The following DNAH8 variants were observed in gnomAD, a reference collection of about 807,000 sequenced individuals.
DNAH8 encodes the protein axonemal beta dynein heavy chain 8.
Under a neutral mutation model 562.1 loss-of-function variants are expected in DNAH8, and 382 were observed. The ratio of observed to expected loss-of-function variants is 0.68; its 90% CI spans 0.63 to 0.74. The LOEUF is 0.74. Ranked by LOEUF, DNAH8 falls within the 30% of genes least tolerant of loss-of-function variation. The pLI, the probability that DNAH8 is intolerant of heterozygous loss-of-function variation, is 0.00. For missense variants in DNAH8, 5,203 were observed against 5,620.4 expected (o/e 0.93, Z 2.37); for synonymous variants, 1,881 against 1,919.4 (o/e 0.98, Z 0.52).
At chr6:38,849,689 A>G (rs916368558) in intron 37 of DNAH8, among the ~76,000 whole-genome samples, 2 of 152,000 alleles carry the variant, frequency 1.3e-5, no homozygotes, top group Admixed American at 6.6e-5. Context: ...TTAAAAGAGG[A>G]AAGATTATGC....
intron 88 of DNAH8, among the ~76,000 whole-genome samples, chr6:38,990,390 T>G (rs956049717): frequency 2.0e-5 from 3 of 152,228 alleles, no homozygotes; most frequent in Non-Finnish European, 1.5e-5. Flanking sequence ...ATGACAACGT[T>G]AAGCTCTAAT....
intron 13 of DNAH8, among the ~76,000 whole-genome samples, chr6:38,777,032 T>A (rs898629579): frequency 2.0e-5 from 3 of 152,208 alleles, no homozygotes; most frequent in African/African-American, 7.2e-5. Context: ...AAAACTACAT[T>A]ACACGTAACC....
Position 38,971,564 on chromosome 6 carries a change from T to C in DNAH8, c.12452-28T>C, listed in dbSNP as rs200132695. 39 of 1,406,738 alleles carry C rather than the reference T, an allele frequency of 2.8e-5. No individual in the cohort carries two copies. In the East Asian group the frequency reaches 3.4e-4, roughly 12 times the overall value. The allele number at this position is 1,406,738 out of a possible 1,614,324, so 87.1% of individuals were successfully genotyped here. ...ATCCTGCTGTAAGAGTTGTGTTTCA[T>C]CATAGTGAACTTTCTCCTATGTTAC... is the stretch of plus-strand genomic sequence containing the variant. On this transcript the variant is annotated intron_variant, in intron 82 of 92. Coordinates refer to ENST00000327475, the MANE Select transcript of DNAH8 (RefSeq NM_001206927.2).
intron 4 of DNAH8, 122 bp from the exon 5 acceptor site, chr6:38,734,352 G>T: frequency 4.7e-5 from 43 of 910,256 alleles, no homozygotes; most frequent in East Asian, 2.6e-4. Context: ...ATTATTCTAT[G>T]ACCGTATTGA....
Position 38,938,902 on chromosome 6 carries a change from A to G in DNAH8, c.11921A>G (p.Lys3974Arg), listed in dbSNP as rs745776950. The G allele has an allele frequency of 1.1e-5, 17 of 1,613,836 alleles. No homozygotes were observed. The highest frequency in any genetic ancestry group is 2.2e-5 in the South Asian group (2 of 91,066). ...GTCAGAGGCCTATACGAAAACCACA[A>G]ATTCCTGTTTGTACTCCTCATGACC... ...YSVRGLYENH[K>R]FLFVLLMTLK... Residue 3974 changes from lysine to arginine, a missense_variant, in exon 79 of 93, where the codon AAA (lysine) becomes AGA (arginine). This residue lies in a region of DNAH8 where 1,399 missense variants were observed against 1,518.4 expected (regional missense o/e 0.92). Coordinates refer to ENST00000327475, the MANE Select transcript of DNAH8 (RefSeq NM_001206927.2).
chr6:38,921,583 G>A (rs2150555595), intron 71 of DNAH8, 77 bp downstream of exon 71: 1 of 1,467,052 alleles, frequency 6.8e-7, no homozygotes. Flanking sequence ...TGGAAATCAG[G>A]CAAATGGTTG....
chr6:38,832,892 C>A (rs1230855058), intron 31 of DNAH8, among the ~76,000 whole-genome samples: 1 of 151,372 alleles, frequency 6.6e-6, no homozygotes, highest in Non-Finnish European at 1.5e-5. Flanking sequence ...GTGGAAGGAA[C>A]AAAGGGTCTG....
chr6:38,811,204 T>C (rs1771765427), intron 24 of DNAH8, among the ~76,000 whole-genome samples: 1 of 152,234 alleles, frequency 6.6e-6, no homozygotes, highest in Admixed American at 6.5e-5. Context: ...TATTCTTTCA[T>C]TGTCTTCTTC....
In DNAH8 at chr6:38,879,493, C is replaced by T. The variant is rs146680119; in HGVS notation, c.7859-3417C>T. 4.2e-3 allele frequency among the ~76,000 whole-genome samples: 644 copies of T among 152,294 alleles called. 6 individuals carry two copies. The highest frequency in any genetic ancestry group is 0.011 in the Admixed American group (175 of 15,304). The stretch of plus-strand genomic sequence containing the variant: ...AAAAACTAAGCAAGCCATAAACAGT[C>T]ATCTAAATGAATGAAGAAAAGCATT... On this transcript the variant is annotated intron_variant, in intron 53 of 92. Transcript: ENST00000327475.
At chr6:38,870,621 C>G (rs1176342415) in intron 49 of DNAH8, 59 bp downstream of exon 49, 5 of 1,505,244 alleles carry the variant, frequency 3.3e-6, no homozygotes, top group Non-Finnish European at 4.5e-6. Flanking sequence ...ACATTCCTGT[C>G]TGAATAGAAA....
At chr6:38,897,218 ATT>A (rs1779764696) in intron 60 of DNAH8, among the ~76,000 whole-genome samples, 1 of 152,184 alleles carries the variant, frequency 6.6e-6, no homozygotes, top group African/African-American at 2.4e-5. Context: ...AAAGAATAAT[ATT>A]GTGTGACATG....
At chr6:38,757,100 A>G (rs1765988527) in intron 10 of DNAH8, among the ~76,000 whole-genome samples, 1 of 152,194 alleles carries the variant, frequency 6.6e-6, no homozygotes, top group Non-Finnish European at 1.5e-5. Context: ...CGCCACACTG[A>G]CTTCCACAAT....
chr6:38,741,872 C>T lies in DNAH8; in HGVS notation c.1278C>T (p.His426=), dbSNP rs1156875268. Reference sequence around the variant, plus strand: ...TCATAAATGTGCTAAATGTTGCACACTCCAAACTGCTAAAGGTAAAAGGCT... The same window carrying T: ...TCATAAATGTGCTAAATGTTGCACATTCCAAACTGCTAAAGGTAAAAGGCT... ...KAVINVLNVA[H]SKLLKNWRDL... is the part of the protein sequence containing the mutation. Residue 426 remains histidine, a synonymous_variant, in exon 8 of 93, where the codon CAC becomes CAT. Coordinates refer to ENST00000327475, the MANE Select transcript of DNAH8 (RefSeq NM_001206927.2). 1 of 1,610,148 alleles carries T rather than the reference C, an allele frequency of 6.2e-7. No homozygotes were observed. Among genetic ancestry groups the T allele is most frequent in the Admixed American group, 1.7e-5 (1 of 59,044 alleles).
chr6:38,922,970 C>A, intron 71 of DNAH8, 88 bp from the exon 72 acceptor site: 1 of 1,345,526 alleles, frequency 7.4e-7, no homozygotes, highest in Non-Finnish European at 1.0e-6. Flanking sequence ...AAGAAATTCC[C>A]CCATGTATTT....
chr6:38,981,924 T>C (rs1764063240), intron 85 of DNAH8, among the ~76,000 whole-genome samples: 1 of 152,312 alleles, frequency 6.6e-6, no homozygotes, highest in East Asian at 1.9e-4. Context: ...ACGGTGGTGG[T>C]CCTGTAAGAG....
At chr6:38,937,514 A>G (rs750513379) in intron 77 of DNAH8, among the ~76,000 whole-genome samples, 12 of 152,172 alleles carry the variant, frequency 7.9e-5, no homozygotes, top group Non-Finnish European at 1.3e-4. Context: ...GGAGTGTACC[A>G]TTCAACTATC....
intron 58 of DNAH8, among the ~76,000 whole-genome samples, chr6:38,892,652 C>T (rs961205437): frequency 1.1e-4 from 16 of 152,144 alleles, no homozygotes; most frequent in African/African-American, 3.4e-4. Context: ...AACCAATCTC[C>T]TTGCTTTCTT....
At chr6:38,911,676 A>T in intron 66 of DNAH8, 90 bp downstream of exon 66, 1 of 879,810 alleles carries the variant, frequency 1.1e-6, no homozygotes, top group Non-Finnish European at 1.8e-6. Flanking sequence ...ATTTTGTCTG[A>T]AAATGAAATA....
chr6:38,807,686 A>G lies in DNAH8; in HGVS notation c.3227A>G (p.Asp1076Gly). 1 of 1,536,242 alleles carries G rather than the reference A, an allele frequency of 6.5e-7. No individual in the cohort carries two copies. Among genetic ancestry groups the G allele is most frequent in the Non-Finnish European group, 8.7e-7 (1 of 1,145,794 alleles). Residue 1076 changes from aspartate to glycine, a missense_variant, in exon 24 of 93, where the codon GAC becomes GGC. Asp to Gly is a moderately conservative substitution (Grantham distance 94). Transcript: ENST00000327475. Reference protein sequence around the residue: ...SLQKATRLSLDTMKRRIFVAS... With the variant: ...SLQKATRLSLGTMKRRIFVAS... ...CAAAAAGCTACACGGTTATCTCTGG[A>G]CACAATGAAAAGAAGAATATTTGTT...
Sources: allele counts gnomAD v4.1 joint callset (sites outside exome capture counted in the v4.1 genomes callset), GRCh38; gene constraint gnomAD v4.1.1; regional missense constraint gnomAD v4.1.1; transcripts MANE v1.5; gene names NCBI Gene and HGNC (gene_info 2026-07-23, HGNC 2026-07-21).